Variants in DOC2A observed in about 807,000 individuals in gnomAD.
DOC2A encodes the protein double C2 domain alpha, also known as double C2-like domain-containing protein alpha.
DOC2A carries 28 observed loss-of-function variants against 40.6 expected under a neutral mutation model. The ratio of observed to expected loss-of-function variants is 0.69; its 90% CI spans 0.51 to 0.95. DOC2A has a LOEUF of 0.95. DOC2A is among the 40% of genes least tolerant of loss of function. DOC2A has a pLI of 0.00. For synonymous variants in DOC2A, 241 were observed against 236.9 expected (o/e 1.02, Z -0.16); for missense variants, 474 against 552.5 (o/e 0.86, Z 1.42).
chr16:30,009,187 AGAG>A lies in DOC2A; in HGVS notation c.417+12_417+14del. 6.2e-7 allele frequency: 1 copy of A among 1,605,436 alleles called. No homozygotes were observed. Among genetic ancestry groups the A allele is most frequent in the East Asian group, 2.2e-5 (1 of 44,684 alleles). ...GTCATGGGCTGGGCCGGGCGGGGCG[AGAG>A]GAGGCTGTTACCTTACAGGCTCCAG... On this transcript the variant is annotated intron_variant, in intron 4 of 10. Transcript: ENST00000350119. This position sits in a 1 kb window ranked among gnomAD's most constrained non-coding sequence, Gnocchi z 4.1.
chr16:30,007,747 T>G (rs1389306230), intron 5 of DOC2A: 8 of 251,352 alleles, frequency 3.2e-5, no homozygotes, highest in Admixed American at 5.2e-5. Context: ...AAGAAATGAT[T>G]GCTTTCCAGC....
rs1486255792 is a variant in DOC2A, at chr16:30,010,082, C to T, written c.141G>A (p.Gly47=). 1.2e-6 allele frequency: 2 copies of T among 1,612,164 alleles called. No homozygotes were observed. Among genetic ancestry groups the T allele is most frequent in the Admixed American group, 3.3e-5 (2 of 59,962 alleles). Residue 47 remains glycine (G), a synonymous_variant, in exon 2 of 11, where the codon GGG becomes GGA. Transcript: ENST00000350119. This position sits in a 1 kb window ranked among gnomAD's most constrained non-coding sequence, Gnocchi z 4.2. ...PRGPGPEGGG[G]GGGEAPAHLV... The stretch of plus-strand genomic sequence containing the variant: ...GATGGGCGGGGGCCTCCCCGCCGCC[C>T]CCGCCGCCCCCTTCAGGTCCTGGTC...
At position 30,009,172 on chromosome 16, in the gene DOC2A, G is replaced by T; in HGVS notation, c.417+30C>A. 1 of 1,609,354 alleles carries T rather than the reference G, an allele frequency of 6.2e-7. No individual in the cohort carries two copies. Among genetic ancestry groups the T allele is most frequent in the Non-Finnish European group, 8.5e-7 (1 of 1,177,128 alleles). On this transcript the variant is annotated intron_variant, in intron 4 of 10. Coordinates refer to ENST00000350119, the MANE Select transcript of DOC2A (RefSeq NM_003586.3). This position sits in a 1 kb window ranked among gnomAD's most constrained non-coding sequence, Gnocchi z 4.1. ...GCCCCACAGGCTGGAGTCATGGGCTGGGCCGGGCGGGGCGAGAGGAGGCTG... is the reference window on the plus strand; with the variant it reads ...GCCCCACAGGCTGGAGTCATGGGCTTGGCCGGGCGGGGCGAGAGGAGGCTG...
At position 30,005,630 on chromosome 16, in the gene DOC2A, A is replaced by C; in HGVS notation, c.*556T>G. On this transcript the variant is annotated 3_prime_UTR_variant, in exon 11 of 11. Coordinates refer to ENST00000350119, the MANE Select transcript of DOC2A (RefSeq NM_003586.3). ...AGGGTGGCAGGGGCCCTGCCTTCAA[A>C]CCCCGGCCCCCTCCAGGGGACAGTT... is the stretch of plus-strand genomic sequence containing the variant. 2 of 606,856 alleles carry C rather than the reference A, an allele frequency of 3.3e-6. No individual in the cohort carries two copies. The highest frequency in any genetic ancestry group is 1.9e-5 in the African/African-American group (1 of 52,010). 37.6% of individuals were successfully genotyped at this position (606,856 alleles called of 1,614,324 possible).
Position 30,006,169 on chromosome 16 carries a change from G to A in DOC2A, c.*17C>T, listed in dbSNP as rs370997575. 1.0e-4 allele frequency: 164 copies of A among 1,567,456 alleles called. 4 individuals are homozygous for A. Among genetic ancestry groups the A allele is most frequent in the South Asian group, 8.1e-4 (70 of 86,144 alleles). On this transcript the variant is annotated 3_prime_UTR_variant, in exon 11 of 11. Coordinates refer to ENST00000350119, the MANE Select transcript of DOC2A (RefSeq NM_003586.3). This position sits in a 1 kb window ranked among gnomAD's most constrained non-coding sequence, Gnocchi z 6.2. ...GGACCCGGCTCGATGGGCCTGTGCC[G>A]GGACACTGCTGTCCACTCAGGCTGA...
chr16:30,011,473 G>C (rs1187497775), upstream of DOC2A: 1 of 950,748 alleles, frequency 1.1e-6, no homozygotes, highest in Non-Finnish European at 1.2e-6. Context: ...CGGCCACGGC[G>C]CCTCCCTCCC....
chr16:30,016,506 G>C (rs941673883), upstream of DOC2A, among the ~76,000 whole-genome samples: 1 of 152,186 alleles, frequency 6.6e-6, no homozygotes, highest in Admixed American at 6.5e-5. Context: ...AGTGAGGGGA[G>C]GGGGACACTC....
intron 1 of DOC2A, among the ~76,000 whole-genome samples, chr16:30,017,962 GAAAAA>G (rs113271952): frequency 3.2e-5 from 3 of 92,664 alleles, no homozygotes; most frequent in African/African-American, 1.0e-4. Flanking sequence ...TCTGTCTCCG[GAAAAA>G]AAAAAAAAAA....
chr16:30,006,443 A>G lies in DOC2A; in HGVS notation c.1027T>C (p.Tyr343His). 1.2e-6 allele frequency: 2 copies of G among 1,613,558 alleles called. No individual in the cohort carries two copies. The highest frequency in any genetic ancestry group is 1.7e-6 in the Non-Finnish European group (2 of 1,179,888). Residue 343 changes from tyrosine (Y) to histidine (H), a missense_variant, in exon 10 of 11, where the codon TAT (tyrosine) becomes CAT (histidine). Tyr to His is a moderately conservative substitution (Grantham distance 83, BLOSUM62 2). Coordinates refer to ENST00000350119, the MANE Select transcript of DOC2A (RefSeq NM_003586.3). This position sits in a 1 kb window ranked among gnomAD's most constrained non-coding sequence, Gnocchi z 6.2. ...AAGTCATTGGATTTGCCAATGTCAT[A>G]GTCCCAGACGGTGACTTCCAGGGTC... is the stretch of plus-strand genomic sequence containing the variant. ...TKTLEVTVWD[Y>H]DIGKSNDFIG... is the part of the protein sequence containing the mutation.
chr16:30,011,304 A>G (rs1054503825), upstream of DOC2A: 16 of 979,628 alleles, frequency 1.6e-5, no homozygotes, highest in Non-Finnish European at 1.9e-5. Context: ...CCTTGCACAC[A>G]CCCAGGCGCG....
At chr16:30,021,325 T>C (rs983136960), upstream of DOC2A, 1 of 152,196 alleles carries the variant, frequency 6.6e-6, no homozygotes, top group Non-Finnish European at 1.5e-5. Context: ...GGAGTGTCCT[T>C]GGGCTTGGGT....
upstream of DOC2A, among the ~76,000 whole-genome samples, chr16:30,013,112 A>T (rs1012922693): frequency 6.9e-6 from 1 of 144,266 alleles, no homozygotes; most frequent in African/African-American, 2.6e-5. Flanking sequence ...CCTTGAGCTC[A>T]GAAGTTCAAG....
At chr16:30,012,352 T>C (rs1316616947), upstream of DOC2A, 1 of 152,098 alleles carries the variant, frequency 6.6e-6, no homozygotes, top group Non-Finnish European at 1.5e-5. Flanking sequence ...AGCAGGGAGT[T>C]CCACTGGAGC....
Position 30,010,992 on chromosome 16 carries a change from G to T in DOC2A, c.-103C>A. 1.0e-6 allele frequency: 1 copy of T among 995,132 alleles called. No homozygotes were observed. The highest frequency in any genetic ancestry group is 1.2e-6 in the Non-Finnish European group (1 of 835,118). The allele number at this position is 995,132 out of a possible 1,614,324, so 61.6% of individuals were successfully genotyped here. On this transcript the variant is annotated 5_prime_UTR_variant, in exon 1 of 11. Transcript: ENST00000350119. The surrounding 1 kb of genome is among the most constrained non-coding windows in gnomAD (Gnocchi z 4.2). The stretch of plus-strand genomic sequence containing the variant: ...GGCGAGGAGAGCGCGGAGTCGAGCT[G>T]TGCGAGCCGAGAGGGAGGGAGCGCC...
At chr16:30,016,038 TATATATATA>T (rs2070851209), upstream of DOC2A, among the ~76,000 whole-genome samples, 1 of 33,596 alleles carries the variant, frequency 3.0e-5, no homozygotes, top group African/African-American at 1.3e-4. Flanking sequence ...TATATATATA[TATATATATA>T]TATATATATT....
upstream of DOC2A, chr16:30,011,335 G>T: frequency 1.0e-6 from 1 of 984,860 alleles, no homozygotes; most frequent in Non-Finnish European, 1.2e-6. Flanking sequence ...CTTACCCGGA[G>T]AACTTCGCAC....
In DOC2A at chr16:30,005,577, G is replaced by T; in HGVS notation, c.*609C>A. 2.3e-6 allele frequency: 2 copies of T among 855,428 alleles called. No homozygotes were observed. The highest frequency in any genetic ancestry group is 3.7e-6 in the Non-Finnish European group (2 of 540,688). 53.0% of individuals were successfully genotyped at this position (855,428 alleles called of 1,614,324 possible). A position where few individuals can be genotyped will look rare whatever the true frequency, so the allele number is the denominator to read the frequency against. On this transcript the variant is annotated 3_prime_UTR_variant, in exon 11 of 11. Coordinates refer to ENST00000350119, the MANE Select transcript of DOC2A (RefSeq NM_003586.3). ...CCGGCCACTGACACAACCAGAAAAG[G>T]CGTAAACATGCACGGGTGTCCCCCA...
upstream of DOC2A, among the ~76,000 whole-genome samples, chr16:30,016,403 A>C (rs1192473816): frequency 6.6e-6 from 1 of 152,164 alleles, no homozygotes; most frequent in Non-Finnish European, 1.5e-5. Flanking sequence ...CTCCAGAATA[A>C]GAAAGGAAGC....
Position 30,006,855 on chromosome 16 carries a change from C to T in DOC2A, c.808G>A (p.Val270Ile), listed in dbSNP as rs1255426896. The change falls in exon 8 of 11, where the codon GTA (valine) becomes ATA (isoleucine). Residue 270 changes from valine to isoleucine, a missense_variant. Val to Ile is a conservative substitution (Grantham distance 29). Coordinates refer to ENST00000350119, the MANE Select transcript of DOC2A (RefSeq NM_003586.3). The surrounding 1 kb of genome is among the most constrained non-coding windows in gnomAD (Gnocchi z 6.2). Reference sequence around the variant, plus strand: ...AGATGGGCGCAGCGCAAGATGCCTACCAGCAGTCCCCGGCGCCGCGAGCTG... The same window carrying T: ...AGATGGGCGCAGCGCAAGATGCCTATCAGCAGTCCCCGGCGCCGCGAGCTG... ...SYSSRRRGLLVGILRCAHLAA... is the reference protein window; with the variant it reads ...SYSSRRRGLLIGILRCAHLAA... 1.9e-6 allele frequency: 3 copies of T among 1,613,704 alleles called. No homozygotes were observed. The highest frequency in any genetic ancestry group is 4.5e-5 in the East Asian group (2 of 44,854).
Sources: allele counts gnomAD v4.1 joint callset (sites outside exome capture counted in the v4.1 genomes callset), GRCh38; gene constraint gnomAD v4.1.1; non-coding constraint Gnocchi (gnomAD v3.1); transcripts MANE v1.5; gene names NCBI Gene and HGNC (gene_info 2026-07-23, HGNC 2026-07-21).